The following ASIC2 variants were observed in gnomAD, a reference collection of about 807,000 sequenced individuals.
ASIC2 encodes acid sensing ion channel subunit 2, also known as acid-sensing ion channel 2.
A neutral mutation model predicts 57.3 loss-of-function variants in ASIC2; 25 were observed. The ratio of observed to expected loss-of-function variants is 0.44; its 90% CI spans 0.32 to 0.61. ASIC2 has a LOEUF of 0.61. Among genes scored for constraint, ASIC2 ranks in the 20% least tolerant of loss-of-function variants. ASIC2 has a pLI of 0.06. For synonymous variants in ASIC2, 319 were observed against 307.5 expected (o/e 1.04, Z -0.39); for missense variants, 641 against 738.1 (o/e 0.87, Z 1.52).
chr17:33,087,068 C>T (rs1324497573), intron 3 of ASIC2, among the ~76,000 whole-genome samples: 1 of 152,160 alleles, frequency 6.6e-6, no homozygotes, highest in Non-Finnish European at 1.5e-5. Context: ...CTGCCCTCAC[C>T]ATGTCAACCC....
intron 1 of ASIC2, among the ~76,000 whole-genome samples, chr17:33,764,593 T>C (rs1447566532): frequency 6.6e-6 from 1 of 152,194 alleles, no homozygotes; most frequent in Non-Finnish European, 1.5e-5. Flanking sequence ...GCGAGGGGTC[T>C]GAGTGCACTA....
intron 1 of ASIC2, among the ~76,000 whole-genome samples, chr17:33,486,246 T>G (rs1019791896): frequency 6.6e-6 from 1 of 152,224 alleles, no homozygotes; most frequent in African/African-American, 2.4e-5. Context: ...TTGCCTAGAT[T>G]AGCTCTATGT....
In ASIC2 at chr17:34,041,458, T is replaced by A. The variant is rs1347305546; in HGVS notation, c.555+114520A>T. 3.3e-5 allele frequency: 5 copies of A among 152,132 alleles called. 1 individual carries two copies. The highest frequency in any genetic ancestry group is 7.4e-5 in the Non-Finnish European group (5 of 68,020). 9.4% of individuals were successfully genotyped at this position (152,132 alleles called of 1,614,324 possible). On this transcript the variant is annotated intron_variant, in intron 1 of 9. Transcript: ENST00000359872. ...ATCAAAGGGAGACAAGGTCGTGAAA[T>A]AGAAAGAATGATAACTTTGACATCA...
At chr17:33,926,023 A>G (rs1915815509) in intron 1 of ASIC2, among the ~76,000 whole-genome samples, 1 of 152,222 alleles carries the variant, frequency 6.6e-6, no homozygotes, top group Non-Finnish European at 1.5e-5. Context: ...GGAAATAATC[A>G]CTGTTAACAT....
intron 1 of ASIC2, among the ~76,000 whole-genome samples, chr17:33,517,777 C>T (rs1914620328): frequency 1.3e-5 from 2 of 151,614 alleles, no homozygotes; most frequent in Admixed American, 6.6e-5. Context: ...TGCAGCACAC[C>T]AACATGGCAC....
intron 2 of ASIC2, among the ~76,000 whole-genome samples, chr17:33,104,269 T>C (rs2092226420): frequency 6.6e-6 from 1 of 152,204 alleles, no homozygotes. Flanking sequence ...ACACATATGT[T>C]CAACCTACCA....
At chr17:33,638,392 A>T (rs1252888139) in intron 1 of ASIC2, among the ~76,000 whole-genome samples, 2 of 152,218 alleles carry the variant, frequency 1.3e-5, no homozygotes, top group Admixed American at 1.3e-4. Context: ...TGAGGATAGA[A>T]GCAAGATGGA....
At chr17:33,059,810 C>T (rs1172633045) in intron 3 of ASIC2, among the ~76,000 whole-genome samples, 3 of 152,192 alleles carry the variant, frequency 2.0e-5, no homozygotes, top group Non-Finnish European at 4.4e-5. Flanking sequence ...TCCACATCCT[C>T]TCCAGCACCT....
intron 7 of ASIC2, among the ~76,000 whole-genome samples, chr17:33,018,543 C>T (rs2141893607): frequency 6.6e-6 from 1 of 152,306 alleles, no homozygotes; most frequent in South Asian, 2.1e-4. Context: ...GAGTCCATAG[C>T]TATTATCAGT....
At position 33,378,196 on chromosome 17, in the gene ASIC2, G is replaced by T. The variant is rs143266168; in HGVS notation, c.556-266129C>A. On this transcript the variant is annotated intron_variant, in intron 1 of 9. Coordinates refer to the ASIC2 transcript ENST00000359872. ...CTCACTTTCTAAATTTTGAATGATA[G>T]CTTCATCAGAGATTGTTGTGATCAT... Among the ~76,000 whole-genome samples, 1,288 of 152,308 alleles carry T rather than the reference G, an allele frequency of 8.5e-3. 7 individuals are homozygous for T. Among genetic ancestry groups the T allele is most frequent in the Middle Eastern group, 0.031 (9 of 294 alleles).
At chr17:33,479,087 C>T (rs969983016) in intron 1 of ASIC2, among the ~76,000 whole-genome samples, 1 of 150,792 alleles carries the variant, frequency 6.6e-6, no homozygotes, top group Non-Finnish European at 1.5e-5. Flanking sequence ...CAGCCTCTGC[C>T]TCCCGGGTTC....
At position 34,137,532 on chromosome 17, in the gene ASIC2, C is replaced by A. The variant is rs143968182; in HGVS notation, c.555+18446G>T. Among the ~76,000 whole-genome samples the A allele has an allele frequency of 2.0e-3, 300 of 152,236 alleles. 1 individual carries two copies. The highest frequency in any genetic ancestry group is 7.0e-3 in the African/African-American group (290 of 41,546). ...GTGGAGGAAACATCTCATTTGTGGA[C>A]CATCAGGTGGAGGGCTCCTGGGCAC... On this transcript the variant is annotated intron_variant, in intron 1 of 9. Transcript: ENST00000359872.
chr17:33,149,667 T>A (rs1904706403), intron 1 of ASIC2, among the ~76,000 whole-genome samples: 1 of 152,188 alleles, frequency 6.6e-6, no homozygotes, highest in African/African-American at 2.4e-5. Flanking sequence ...CACATAGTAA[T>A]CTCAGCAGCA....
intron 1 of ASIC2, among the ~76,000 whole-genome samples, chr17:33,156,577 G>A (rs1250331278): frequency 6.6e-6 from 1 of 151,836 alleles, no homozygotes. Context: ...CCAACATGTT[G>A]AAACTCTGTC....
intron 1 of ASIC2, among the ~76,000 whole-genome samples, chr17:33,616,372 T>C (rs1905603422): frequency 6.6e-6 from 1 of 152,210 alleles, no homozygotes; most frequent in African/African-American, 2.4e-5. Flanking sequence ...TCTCCCAGTG[T>C]ATACGATATA....
At chr17:33,968,741 A>G (rs1051139709) in intron 1 of ASIC2, among the ~76,000 whole-genome samples, 3 of 152,192 alleles carry the variant, frequency 2.0e-5, no homozygotes, top group Non-Finnish European at 4.4e-5. Context: ...GACTCACCAT[A>G]TGGCAGGACA....
At chr17:34,082,584 G>A (rs529021915) in intron 1 of ASIC2, among the ~76,000 whole-genome samples, 2 of 152,260 alleles carry the variant, frequency 1.3e-5, no homozygotes, top group East Asian at 3.9e-4. Flanking sequence ...GCAAAAATGC[G>A]GGGGAGTCCC....
chr17:33,481,675 C>T (rs771830226), intron 1 of ASIC2, among the ~76,000 whole-genome samples: 4 of 152,238 alleles, frequency 2.6e-5, no homozygotes, highest in Non-Finnish European at 5.9e-5. Flanking sequence ...GCATTTAAAC[C>T]TGCTCAAGGT....
chr17:33,115,848 G>A (rs1238968658), intron 1 of ASIC2, among the ~76,000 whole-genome samples: 1 of 152,208 alleles, frequency 6.6e-6, no homozygotes, highest in African/African-American at 2.4e-5. Flanking sequence ...GAATGAATGA[G>A]TGAATGAATG....
Sources: allele counts gnomAD v4.1 joint callset (sites outside exome capture counted in the v4.1 genomes callset), GRCh38; gene constraint gnomAD v4.1.1; transcripts MANE v1.5; gene names NCBI Gene and HGNC (gene_info 2026-07-23, HGNC 2026-07-21).